Variants in TRAF3IP2 observed in about 807,000 individuals in gnomAD.
TRAF3IP2 encodes E3 ubiquitin ligase TRAF3IP2.
Under a neutral mutation model 57.9 loss-of-function variants are expected in TRAF3IP2, and 35 were observed. The ratio of observed to expected loss-of-function variants is 0.60; its 90% CI spans 0.46 to 0.80. The LOEUF is 0.80. TRAF3IP2 is among the 30% of genes least tolerant of loss of function. TRAF3IP2 has a pLI of 0.00. For synonymous variants in TRAF3IP2, 251 were observed against 268.9 expected (o/e 0.93, Z 0.65); for missense variants, 556 against 706.4 (o/e 0.79, Z 2.41).
At chr6:111,588,047 T>A (rs990252191) in intron 2 of TRAF3IP2, among the ~76,000 whole-genome samples, 1 of 152,238 alleles carries the variant, frequency 6.6e-6, no homozygotes, top group African/African-American at 2.4e-5. Flanking sequence ...TTTACACTCC[T>A]ATCAAGAGTG....
At chr6:111,603,387 A>T (rs1014357625) in intron 1 of TRAF3IP2, among the ~76,000 whole-genome samples, 1 of 152,244 alleles carries the variant, frequency 6.6e-6, no homozygotes, top group African/African-American at 2.4e-5. Flanking sequence ...ATCAAACATT[A>T]GGGGTCATTT....
intron 1 of TRAF3IP2, among the ~76,000 whole-genome samples, chr6:111,603,841 G>A (rs1796947982): frequency 6.6e-6 from 1 of 152,182 alleles, no homozygotes; most frequent in African/African-American, 2.4e-5. Flanking sequence ...CCCCATGCAA[G>A]GAACAGAGCA....
In TRAF3IP2 at chr6:111,594,132, C is replaced by CAAAA. The variant is rs36108891; in HGVS notation, c.-8-2042_-8-2039dup. Among the ~76,000 whole-genome samples, 34 of 124,006 alleles carry CAAAA rather than the reference C, an allele frequency of 2.7e-4. 7 individuals carry two copies. Among genetic ancestry groups the CAAAA allele is most frequent in the African/African-American group, 2.9e-4 (10 of 34,146 alleles). 81.4% of individuals were successfully genotyped at this position (124,006 alleles called of 152,430 possible). On this transcript the variant is annotated intron_variant, in intron 1 of 8. Transcript: ENST00000368761. Reference sequence around the variant, plus strand: ...AGCGACAAGAGCGAGACTCCATCTCCAAAAAAAAAAAAAATGCTCACCATT... The same window carrying CAAAA: ...AGCGACAAGAGCGAGACTCCATCTCCAAAAAAAAAAAAAAAAAATGCTCACCATT...
At position 111,566,931 on chromosome 6, in the gene TRAF3IP2, G is replaced by A. The variant is rs570842919; in HGVS notation, c.1360-371C>T. ...CCCTCCCTCCAGCTGGTTCTGAGCT[G>A]CCAGTCACTGCACTCGACTGCCCTG... On this transcript the variant is annotated intron_variant, in intron 6 of 8. Coordinates refer to ENST00000368761, the MANE Select transcript of TRAF3IP2 (RefSeq NM_147686.4). 1.5e-4 allele frequency: 51 copies of A among 345,816 alleles called. 1 individual carries two copies. Among genetic ancestry groups the A allele is most frequent in the South Asian group, 1.2e-3 (49 of 41,902 alleles). 21.4% of individuals were successfully genotyped at this position (345,816 alleles called of 1,614,324 possible). A position where few individuals can be genotyped will look rare whatever the true frequency, so the allele number is the denominator to read the frequency against.
rs1054269073 is a variant in TRAF3IP2, at chr6:111,559,135, G to C, written c.*270C>G. 8.6e-5 allele frequency: 33 copies of C among 385,276 alleles called. No homozygotes were observed. Among genetic ancestry groups the C allele is most frequent in the African/African-American group, 6.0e-4 (30 of 50,030 alleles). 23.9% of individuals were successfully genotyped at this position (385,276 alleles called of 1,614,324 possible). ...AGGCCCAGAATGGACACATCAAACTGTCAGGAGGAACATATGGGACACTGG... is the reference window on the plus strand; with the variant it reads ...AGGCCCAGAATGGACACATCAAACTCTCAGGAGGAACATATGGGACACTGG... On this transcript the variant is annotated 3_prime_UTR_variant, in exon 9 of 9. Coordinates refer to ENST00000368761, the MANE Select transcript of TRAF3IP2 (RefSeq NM_147686.4).
At chr6:111,562,019 G>A (rs1199225473) in intron 8 of TRAF3IP2, among the ~76,000 whole-genome samples, 1 of 152,218 alleles carries the variant, frequency 6.6e-6, no homozygotes, top group Non-Finnish European at 1.5e-5. Flanking sequence ...AGGGGTCTCA[G>A]TGCAGTCTTG....
chr6:111,597,838 G>T (rs1796740869), intron 1 of TRAF3IP2: 4 of 455,490 alleles, frequency 8.8e-6, no homozygotes, highest in South Asian at 6.2e-5. Context: ...TTTTTTCCAG[G>T]CTTTCTCCAT....
In TRAF3IP2 at chr6:111,575,520, G is replaced by A. The variant is rs564345969; in HGVS notation, c.1201+123C>T. ...GGAGAATGGGGTGAACCTGGGAGGC[G>A]GAGCTTGCAGTGAGCTGAGATCGCA... On this transcript the variant is annotated intron_variant, in intron 4 of 8. Coordinates refer to ENST00000368761, the MANE Select transcript of TRAF3IP2 (RefSeq NM_147686.4). 6.7e-5 allele frequency: 74 copies of A among 1,108,578 alleles called. No individual in the cohort carries two copies. In the African/African-American group the frequency reaches 9.6e-4, roughly 14 times the overall value. 68.7% of individuals were successfully genotyped at this position (1,108,578 alleles called of 1,614,324 possible). A position where few individuals can be genotyped will look rare whatever the true frequency, so the allele number is the denominator to read the frequency against.
chr6:111,574,711 C>A (rs11153299), intron 4 of TRAF3IP2: 4 of 151,976 alleles, frequency 2.6e-5, no homozygotes, highest in African/African-American at 9.7e-5. Flanking sequence ...TCAATTTACC[C>A]AGGGACAAGT....
intron 2 of TRAF3IP2, among the ~76,000 whole-genome samples, chr6:111,590,307 T>C (rs1199363173): frequency 1.3e-5 from 2 of 152,172 alleles, no homozygotes; most frequent in Non-Finnish European, 2.9e-5. Flanking sequence ...AGGAGACACG[T>C]ACATAATTAG....
chr6:111,559,555 T>A lies in TRAF3IP2; in HGVS notation c.1552-4A>T. On this transcript the variant is annotated splice_region_variant and splice_polypyrimidine_tract_variant and intron_variant, in intron 8 of 8. Transcript: ENST00000368761. ...GAAGCCAGGTGGGCACATGCTCCTA[T>A]GGGAGGCAGAATGACAGGAGCAAAG... The A allele has an allele frequency of 1.2e-6, 2 of 1,613,794 alleles. No individual in the cohort carries two copies. The highest frequency in any genetic ancestry group is 1.7e-6 in the Non-Finnish European group (2 of 1,179,920).
At chr6:111,563,803 G>A (rs1196658831) in intron 7 of TRAF3IP2, among the ~76,000 whole-genome samples, 1 of 152,174 alleles carries the variant, frequency 6.6e-6, no homozygotes, top group South Asian at 2.1e-4. Context: ...TGTCAATTGC[G>A]AAGAGCTCCA....
chr6:111,561,995 C>G (rs1795464198), intron 8 of TRAF3IP2, among the ~76,000 whole-genome samples: 1 of 152,144 alleles, frequency 6.6e-6, no homozygotes, highest in Non-Finnish European at 1.5e-5. Flanking sequence ...ACTGGAGCCT[C>G]CCTCATCCAG....
chr6:111,579,433 TTACAAAAGAAAA>T (rs1796092124), intron 3 of TRAF3IP2, among the ~76,000 whole-genome samples: 1 of 150,606 alleles, frequency 6.6e-6, no homozygotes, highest in Admixed American at 6.6e-5. Flanking sequence ...AATGTTTTTA[TTACAAAAGAAAA>T]TAATAGGCCA....
At position 111,567,450 on chromosome 6, in the gene TRAF3IP2, G is replaced by A. The variant is rs569338590; in HGVS notation, c.1359+174C>T. ...CCTGCCTGTGCATGTCCAAGAGGGC[G>A]ACTCCGTCCTTCCTTTCCAAGTCTT... On this transcript the variant is annotated intron_variant, in intron 6 of 8. Transcript: ENST00000368761. The A allele has an allele frequency of 2.3e-5, 30 of 1,314,744 alleles. 1 individual carries two copies. The South Asian group carries it at 6.0e-4, about 26-fold the overall frequency. 81.4% of individuals were successfully genotyped at this position (1,314,744 alleles called of 1,614,324 possible).
intron 4 of TRAF3IP2, among the ~76,000 whole-genome samples, 162 bp downstream of exon 4, chr6:111,575,481 G>C (rs867800419): frequency 6.6e-5 from 10 of 151,746 alleles, no homozygotes; most frequent in African/African-American, 2.4e-4. Context: ...CCAGCTACTC[G>C]GGAGGCTGAG....
intron 3 of TRAF3IP2, among the ~76,000 whole-genome samples, chr6:111,576,098 T>C (rs1445279042): frequency 6.6e-6 from 1 of 152,172 alleles, no homozygotes; most frequent in Non-Finnish European, 1.5e-5. Flanking sequence ...AAAACAAGTC[T>C]CATGCACAGG....
In TRAF3IP2 at chr6:111,596,116, T is replaced by A. The variant is rs907989751; in HGVS notation, c.-8-4022A>T. 2.8e-4 allele frequency among the ~76,000 whole-genome samples: 42 copies of A among 152,108 alleles called. 1 individual carries two copies. The highest frequency in any genetic ancestry group is 9.7e-4 in the African/African-American group (40 of 41,424). On this transcript the variant is annotated intron_variant, in intron 1 of 8. Transcript: ENST00000368761. ...TCCCTGGTCGCACTCCCTAAAATGT[T>A]TACACTCTCCTCTCATTCCCATCTC... is the stretch of plus-strand genomic sequence containing the variant.
chr6:111,602,065 A>C (rs1406005728), intron 1 of TRAF3IP2: 1 of 152,234 alleles, frequency 6.6e-6, no homozygotes, highest in African/African-American at 2.4e-5. Flanking sequence ...AGAGGATTTG[A>C]AACAGTGGTG....
Sources: gnomAD v4.1 joint callset for allele counts (sites outside exome capture counted in the v4.1 genomes callset) on GRCh38, gnomAD v4.1.1 for gene constraint, MANE v1.5 for transcripts, NCBI Gene and HGNC (gene_info 2026-07-23, HGNC 2026-07-21) for gene names.